The following HHAT variants were observed in gnomAD, a reference collection of about 807,000 sequenced individuals.
HHAT encodes the protein protein-cysteine N-palmitoyltransferase HHAT.
A neutral mutation model predicts 70.8 loss-of-function variants in HHAT; 47 were observed. The observed-to-expected ratio is 0.66, with a 90% CI of 0.53 to 0.85. The LOEUF (loss-of-function observed/expected upper bound fraction) is 0.85, where lower values mean the gene tolerates loss of function less well. Ranked by LOEUF, HHAT falls within the 40% of genes least tolerant of loss-of-function variation. The probability of loss-of-function intolerance (pLI) is 0.00; values close to 1 mark genes in which losing one functional copy is unlikely to be tolerated. For synonymous variants in HHAT, 228 were observed against 247.6 expected, an observed-to-expected ratio of 0.92 and a Z score of 0.74; for missense variants, 609 against 604.8, an observed-to-expected ratio of 1.01 and a Z score of -0.07.
At chr1:210,517,764 A>G (rs945257418) in intron 9 of HHAT, among the ~76,000 whole-genome samples, 2 of 152,228 alleles carry the variant, frequency 1.3e-5, no homozygotes, top group Admixed American at 1.3e-4. Flanking sequence ...ACCATTTCAC[A>G]ATGTAAAAGT....
At chr1:210,657,516 G>A (rs911651230) in intron 11 of HHAT, among the ~76,000 whole-genome samples, 1 of 152,206 alleles carries the variant, frequency 6.6e-6, no homozygotes, top group Non-Finnish European at 1.5e-5. Flanking sequence ...TCTGGGAAGA[G>A]CTGCTGTGGC....
chr1:210,537,548 G>A (rs140857823), intron 9 of HHAT, among the ~76,000 whole-genome samples: 3 of 152,298 alleles, frequency 2.0e-5, no homozygotes, highest in East Asian at 1.9e-4. Flanking sequence ...TCCGTCTTCC[G>A]TCTTCTGCAG....
chr1:210,404,465 G>C lies in HHAT; in HGVS notation c.470G>C (p.Arg157Thr), dbSNP rs1055755703. 1.3e-5 allele frequency: 21 copies of C among 1,610,556 alleles called. No individual in the cohort carries two copies. The highest frequency in any genetic ancestry group is 1.8e-5 in the Non-Finnish European group (21 of 1,178,476). ...TGTTCTCTCCTTTTGATTTTGTAGA[G>C]AAGGTGGTACAAGACAGAAAACGAG... Reference protein sequence around the residue: ...LRLQGVEEVKRRWYKTENEYY... With the variant: ...LRLQGVEEVKTRWYKTENEYY... The change falls in exon 6 of 12, where the codon AGA becomes ACA. Residue 157 changes from arginine to threonine, a missense_variant and splice_region_variant. Coordinates refer to ENST00000261458, the MANE Select transcript of HHAT (RefSeq NM_018194.6).
chr1:210,420,213 A>T (rs1256225066), intron 7 of HHAT, among the ~76,000 whole-genome samples: 1 of 152,152 alleles, frequency 6.6e-6, no homozygotes, highest in African/African-American at 2.4e-5. Context: ...GCATATGTTA[A>T]CACCTCGTCG....
chr1:210,381,289 T>C (rs2090615817), intron 3 of HHAT, among the ~76,000 whole-genome samples: 1 of 152,046 alleles, frequency 6.6e-6, no homozygotes, highest in African/African-American at 2.4e-5. Context: ...TTTTTTACTT[T>C]TATTTTTCTG....
rs146451467 is a variant in HHAT, at chr1:210,582,649, A to T, written c.1044-5249A>T. On this transcript the variant is annotated intron_variant, in intron 9 of 11. Coordinates refer to ENST00000261458, the MANE Select transcript of HHAT (RefSeq NM_018194.6). ...TTCATAGTAGGTATGAGGGAGCTAG[A>T]TATTTTCTTCTCCCTTTGTGTACCT... Among the ~76,000 whole-genome samples, 628 of 152,284 alleles carry T rather than the reference A, an allele frequency of 4.1e-3. 5 individuals are homozygous for T. Among genetic ancestry groups the T allele is most frequent in the African/African-American group, 0.014 (593 of 41,556 alleles).
chr1:210,483,499 A>G (rs2094429808), intron 8 of HHAT, among the ~76,000 whole-genome samples: 1 of 152,226 alleles, frequency 6.6e-6, no homozygotes, highest in East Asian at 1.9e-4. Context: ...AAGGCAGGGG[A>G]GAGGTCTGAT....
chr1:210,339,783 GAATA>G (rs955753269), intron 1 of HHAT, among the ~76,000 whole-genome samples: 1 of 152,162 alleles, frequency 6.6e-6, no homozygotes. Context: ...TCCTTAAAAA[GAATA>G]AATGTTCATT....
At chr1:210,489,526 C>T (rs546569711) in intron 8 of HHAT, among the ~76,000 whole-genome samples, 16 of 152,272 alleles carry the variant, frequency 1.1e-4, no homozygotes, top group Middle Eastern at 3.4e-3. Flanking sequence ...CATAATTGTC[C>T]CCACGTTGTT....
intron 7 of HHAT, among the ~76,000 whole-genome samples, chr1:210,451,076 G>T (rs1322767695): frequency 8.0e-6 from 1 of 124,702 alleles, no homozygotes; most frequent in Non-Finnish European, 1.6e-5. Context: ...AACAGAGCGA[G>T]ACTCCATCTC....
At chr1:210,618,754 C>A (rs1668258302) in intron 10 of HHAT, among the ~76,000 whole-genome samples, 1 of 152,196 alleles carries the variant, frequency 6.6e-6, no homozygotes, top group African/African-American at 2.4e-5. Context: ...AGCCCCCCAT[C>A]CCCGGCTTGT....
chr1:210,445,380 C>CT (rs2148374384), intron 7 of HHAT, among the ~76,000 whole-genome samples: 1 of 152,206 alleles, frequency 6.6e-6, no homozygotes, highest in Non-Finnish European at 1.5e-5. Flanking sequence ...ACTTTGAAAG[C>CT]TTACCGTATT....
intron 8 of HHAT, among the ~76,000 whole-genome samples, chr1:210,482,041 TCA>T (rs1158741002): frequency 2.0e-4 from 31 of 152,260 alleles, no homozygotes; most frequent in African/African-American, 7.5e-4. Flanking sequence ...AAGCGATAGT[TCA>T]TTCTTTGGTT....
intron 11 of HHAT, among the ~76,000 whole-genome samples, chr1:210,672,512 C>G (rs146149753): frequency 2.6e-5 from 4 of 152,346 alleles, no homozygotes; most frequent in African/African-American, 7.2e-5. Flanking sequence ...TCTGTGCATT[C>G]CATCATCTAG....
At chr1:210,612,779 A>G (rs1372430147) in intron 10 of HHAT, among the ~76,000 whole-genome samples, 1 of 152,166 alleles carries the variant, frequency 6.6e-6, no homozygotes, top group Non-Finnish European at 1.5e-5. Context: ...CGTAGGGCTT[A>G]AGATTTCTTC....
chr1:210,530,922 A>G (rs191832625), intron 9 of HHAT, among the ~76,000 whole-genome samples: 1 of 152,326 alleles, frequency 6.6e-6, no homozygotes, highest in East Asian at 1.9e-4. Context: ...TTTTATAAGG[A>G]TATTATTTTC....
At chr1:210,614,561 C>A (rs1223410618) in intron 10 of HHAT, among the ~76,000 whole-genome samples, 1 of 152,130 alleles carries the variant, frequency 6.6e-6, no homozygotes, top group Non-Finnish European at 1.5e-5. Context: ...TCCCTCTCCC[C>A]TCCCCCCACC....
At chr1:210,643,928 C>CTTT (rs10682667) in intron 11 of HHAT, among the ~76,000 whole-genome samples, 283 of 151,194 alleles carry the variant, frequency 1.9e-3, no homozygotes, top group African/African-American at 1.9e-3. Flanking sequence ...GGAGAAATTT[C>CTTT]TTTTTTTTTC....
intron 1 of HHAT, among the ~76,000 whole-genome samples, chr1:210,336,080 T>C (rs2085457659): frequency 6.6e-6 from 1 of 152,076 alleles, no homozygotes; most frequent in Admixed American, 6.6e-5. Flanking sequence ...TCATCTTTGA[T>C]GGAGTTAGTG....
Sources: allele counts gnomAD v4.1 joint callset (sites outside exome capture counted in the v4.1 genomes callset), GRCh38; gene constraint gnomAD v4.1.1; transcripts MANE v1.5; gene names NCBI Gene and HGNC (gene_info 2026-07-23, HGNC 2026-07-21).